Variants in RBM4B observed in about 807,000 individuals in gnomAD.
RBM4B encodes the protein RNA binding motif protein 4B.
RBM4B carries 13 observed loss-of-function variants against 28.5 expected under a neutral mutation model. The ratio of observed to expected loss-of-function variants is 0.46; its 90% CI spans 0.30 to 0.72. The LOEUF is 0.72. Among genes scored for constraint, RBM4B ranks in the 30% least tolerant of loss-of-function variants. The pLI, the probability that RBM4B is intolerant of heterozygous loss-of-function variation, is 0.09. For missense variants in RBM4B, 387 were observed against 477.6 expected (o/e 0.81, Z 1.77); for synonymous variants, 167 against 179.1 (o/e 0.93, Z 0.54).
chr11:66,670,645 G>A (rs1939430444), intron 2 of RBM4B, among the ~76,000 whole-genome samples: 1 of 152,102 alleles, frequency 6.6e-6, no homozygotes, highest in African/African-American at 2.4e-5. Flanking sequence ...GGTTGCACAA[G>A]ACTCTCCTGG....
chr11:66,670,291 G>T (rs372213158), intron 2 of RBM4B, among the ~76,000 whole-genome samples: 1 of 135,888 alleles, frequency 7.4e-6, no homozygotes, highest in Admixed American at 9.1e-5. Context: ...TCAACAAGAA[G>T]AATTAGATCT....
Position 66,674,482 on chromosome 11 carries a change from C to G in RBM4B, c.412+2186G>C, listed in dbSNP as rs558369077. 3.9e-5 allele frequency among the ~76,000 whole-genome samples: 6 copies of G among 152,180 alleles called. No homozygotes were observed. In the South Asian group the frequency reaches 1.2e-3, roughly 32 times the overall value. On this transcript the variant is annotated intron_variant, in intron 2 of 3. Coordinates refer to ENST00000310046, the MANE Select transcript of RBM4B (RefSeq NM_031492.4). ...GACCTCGTGATCCCCCCGCCTTGGC[C>G]TCCCAAAGTGCTGGGATTACAGGCG...
At chr11:66,673,183 G>GA (rs890484384) in intron 2 of RBM4B, among the ~76,000 whole-genome samples, 132 of 142,272 alleles carry the variant, frequency 9.3e-4, no homozygotes, top group South Asian at 1.5e-3. Context: ...TACATATAGG[G>GA]AAAAAAAAAA....
chr11:66,676,383 A>AT (rs901251545), intron 2 of RBM4B: 2 of 552,606 alleles, frequency 3.6e-6, no homozygotes, highest in African/African-American at 3.8e-5. Context: ...CCCCAAGCAG[A>AT]TTACACTTCC....
At chr11:66,673,812 CTT>C (rs1275670472) in intron 2 of RBM4B, among the ~76,000 whole-genome samples, 1 of 152,090 alleles carries the variant, frequency 6.6e-6, no homozygotes, top group Non-Finnish European at 1.5e-5. Context: ...CTGAAAATAA[CTT>C]AAATTGAAAC....
chr11:66,665,734 T>A, intron 3 of RBM4B, 156 bp from the exon 4 acceptor site: 4 of 1,348,996 alleles, frequency 3.0e-6, no homozygotes, highest in Non-Finnish European at 4.0e-6. Flanking sequence ...CCCATGTAAT[T>A]ACCTAGGAGT....
chr11:66,677,315 A>G, intron 1 of RBM4B: 1 of 583,198 alleles, frequency 1.7e-6, no homozygotes, highest in Non-Finnish European at 3.0e-6. Context: ...AGCCCAGTCT[A>G]TCATCTCCGT....
intron 2 of RBM4B, among the ~76,000 whole-genome samples, chr11:66,671,588 G>A (rs1429583213): frequency 6.6e-6 from 1 of 152,082 alleles, no homozygotes; most frequent in Admixed American, 6.5e-5. Flanking sequence ...CCATTTTTTG[G>A]AGAAACAAAA....
intron 2 of RBM4B, 53 bp downstream of exon 2, chr11:66,676,615 T>C: frequency 6.3e-7 from 1 of 1,589,452 alleles, no homozygotes. Flanking sequence ...TGTTCTTGCC[T>C]GTTTTGAGCT....
intron 2 of RBM4B, among the ~76,000 whole-genome samples, chr11:66,675,076 C>T (rs1256461628): frequency 6.6e-6 from 1 of 152,092 alleles, no homozygotes; most frequent in Non-Finnish European, 1.5e-5. Flanking sequence ...GAAAATGCAA[C>T]AACATTCCAA....
At chr11:66,671,419 T>C (rs985586653) in intron 2 of RBM4B, among the ~76,000 whole-genome samples, 2 of 152,192 alleles carry the variant, frequency 1.3e-5, no homozygotes, top group East Asian at 1.9e-4. Context: ...CAAATATACA[T>C]GGTGACATTA....
rs1590881674 is a variant in RBM4B, at chr11:66,668,830, C to T, written c.874G>A (p.Ala292Thr). 1 of 1,613,936 alleles carries T rather than the reference C, an allele frequency of 6.2e-7. No individual in the cohort carries two copies. Among genetic ancestry groups the T allele is most frequent in the Admixed American group, 1.7e-5 (1 of 59,996 alleles). The change falls in exon 3 of 4, where the codon GCA becomes ACA. Residue 292 changes from alanine (A) to threonine (T), a missense_variant. Transcript: ENST00000310046. ...CCATAGTAGGAGGAAGTGGTGGCTG[C>T]AGCAGCAGCCATAGCAGCTGAAGTG... ...AATSAAMAAA[A>T]ATTSSYYGRD...
chr11:66,674,029 A>G (rs564639050), intron 2 of RBM4B, among the ~76,000 whole-genome samples: 1 of 152,300 alleles, frequency 6.6e-6, no homozygotes, highest in East Asian at 1.9e-4. Flanking sequence ...AATTCATTTT[A>G]GTGTTTGCAC....
At position 66,665,003 on chromosome 11, in the gene RBM4B, G is replaced by GTGTT. The variant is rs1241363099; in HGVS notation, c.*581_*584dup. On this transcript the variant is annotated 3_prime_UTR_variant, in exon 4 of 4. Transcript: ENST00000310046. ...AAGACAAACATAAAAAGATATTTAA[G>GTGTT]TGTTAGAAACATTTATTTGTCAAAA... is the stretch of plus-strand genomic sequence containing the variant. 3 of 152,430 alleles carry GTGTT rather than the reference G, an allele frequency of 2.0e-5. No individual in the cohort carries two copies. The highest frequency in any genetic ancestry group is 4.4e-5 in the Non-Finnish European group (3 of 68,224). The allele number at this position is 152,430 out of a possible 1,614,324, so 9.4% of individuals were successfully genotyped here. A position where few individuals can be genotyped will look rare whatever the true frequency, so the allele number is the denominator to read the frequency against.
In RBM4B at chr11:66,677,008, C is replaced by G; in HGVS notation, c.72G>C (p.Gln24His). The stretch of plus-strand genomic sequence containing the variant: ...TGTCACATTCCAGCACCTTCCCATA[C>G]TGCTCGAAGAGTGAGCGAATCTCCT... ...TEQEIRSLFE[Q>H]YGKVLECDII... Residue 24 changes from glutamine to histidine, a missense_variant, in exon 2 of 4, where the codon CAG (glutamine) becomes CAC (histidine). This residue lies in a region of RBM4B where 161 missense variants were observed against 256.9 expected (regional missense o/e 0.63). Transcript: ENST00000310046. The G allele has an allele frequency of 2.5e-6, 4 of 1,614,194 alleles. No homozygotes were observed. The highest frequency in any genetic ancestry group is 3.4e-6 in the Non-Finnish European group (4 of 1,180,026).
chr11:66,669,733 A>G (rs1054904815), intron 2 of RBM4B, among the ~76,000 whole-genome samples: 1 of 152,264 alleles, frequency 6.6e-6, no homozygotes, highest in Admixed American at 6.5e-5. Flanking sequence ...GGCATGCGCC[A>G]TTGCGCCCTG....
chr11:66,676,837 G>A lies in RBM4B; in HGVS notation c.243C>T (p.His81=). The A allele has an allele frequency of 8.1e-6, 13 of 1,614,154 alleles. No homozygotes were observed. Among genetic ancestry groups the A allele is most frequent in the Non-Finnish European group, 1.1e-5 (13 of 1,180,036 alleles). ...KNKSKASTKL[H]VGNISPTCTN... Reference sequence around the variant, plus strand: ...TACAAGTGGGGCTGATGTTACCCACGTGTAACTTGGTTGAAGCTTTGCTCT... The same window carrying A: ...TACAAGTGGGGCTGATGTTACCCACATGTAACTTGGTTGAAGCTTTGCTCT... The change falls in exon 2 of 4, where the codon CAC becomes CAT. Residue 81 remains histidine (H), a synonymous_variant. Coordinates refer to ENST00000310046, the MANE Select transcript of RBM4B (RefSeq NM_031492.4).
intron 1 of RBM4B, chr11:66,677,315 A>C: frequency 1.7e-6 from 1 of 583,198 alleles, no homozygotes; most frequent in Non-Finnish European, 3.0e-6. Flanking sequence ...AGCCCAGTCT[A>C]TCATCTCCGT....
rs1183662884 is a variant in RBM4B at position 66,665,039 on chromosome 11, A to G, written c.*549T>C. ...ATTTATTTGTCAAAAAATTTTTTTA[A>G]AAAAGGGAGGAGTGGAGTAAAACAA... On this transcript the variant is annotated 3_prime_UTR_variant, in exon 4 of 4. Transcript: ENST00000310046. 2 of 152,410 alleles carry G rather than the reference A, an allele frequency of 1.3e-5. No homozygotes were observed. Among genetic ancestry groups the G allele is most frequent in the East Asian group, 3.8e-4 (2 of 5,208 alleles). 9.4% of individuals were successfully genotyped at this position (152,410 alleles called of 1,614,324 possible).
Sources: allele counts gnomAD v4.1 joint callset (sites outside exome capture counted in the v4.1 genomes callset), GRCh38; gene constraint gnomAD v4.1.1; regional missense constraint gnomAD v4.1.1; transcripts MANE v1.5; gene names NCBI Gene and HGNC (gene_info 2026-07-23, HGNC 2026-07-21).